The following ABCC4 variants were observed in gnomAD, a reference collection of about 807,000 sequenced individuals.
The protein encoded by ABCC4 is ATP binding cassette subfamily C member 4 (PEL blood group).
Under a neutral mutation model 168.5 loss-of-function variants are expected in ABCC4, and 102 were observed. That is an observed-to-expected ratio of 0.61 (90% CI 0.52 to 0.71). ABCC4 has a LOEUF of 0.71. ABCC4 is among the 30% of genes least tolerant of loss of function. The pLI is 0.00. For synonymous variants in ABCC4, 617 were observed against 590.7 expected (o/e 1.04, Z -0.65); for missense variants, 1,402 against 1,605.8 (o/e 0.87, Z 2.17).
intron 20 of ABCC4, among the ~76,000 whole-genome samples, chr13:95,093,487 C>T (rs2034499736): frequency 3.9e-5 from 6 of 152,046 alleles, no homozygotes; most frequent in Admixed American, 3.9e-4. Context: ...CGACAAAATC[C>T]AGCATCCCTT....
chr13:95,104,317 T>C (rs111795600), intron 20 of ABCC4, among the ~76,000 whole-genome samples: 3 of 152,310 alleles, frequency 2.0e-5, no homozygotes, highest in South Asian at 2.1e-4. Context: ...CTTCGCCACA[T>C]TGGTCAGGCT....
At chr13:95,269,235 G>A in intron 1 of ABCC4, 3 of 453,036 alleles carry the variant, frequency 6.6e-6, no homozygotes, top group South Asian at 4.7e-5. Flanking sequence ...AGGGTGGGCT[G>A]GGCCACCCTG....
intron 13 of ABCC4, among the ~76,000 whole-genome samples, chr13:95,170,991 G>A (rs936652954): frequency 2.6e-5 from 4 of 151,864 alleles, no homozygotes; most frequent in African/African-American, 7.3e-5. Context: ...GTCACGTAAC[G>A]ACGCGGCATT....
intron 19 of ABCC4, among the ~76,000 whole-genome samples, chr13:95,124,251 G>A (rs3825415): frequency 6.6e-6 from 1 of 151,964 alleles, no homozygotes; most frequent in Non-Finnish European, 1.5e-5. Flanking sequence ...ACAGAAGATA[G>A]CCAAGAGATT....
intron 26 of ABCC4, among the ~76,000 whole-genome samples, chr13:95,059,143 A>G (rs895341894): frequency 6.6e-6 from 1 of 152,236 alleles, no homozygotes; most frequent in Non-Finnish European, 1.5e-5. Context: ...GCCAGCCAAC[A>G]TGGGTTTAAA....
intron 29 of ABCC4, among the ~76,000 whole-genome samples, chr13:95,035,325 C>T (rs1040764042): frequency 6.6e-6 from 1 of 152,194 alleles, no homozygotes; most frequent in African/African-American, 2.4e-5. Context: ...GGTTAAGGTG[C>T]ATTCTGAAAT....
rs1252241532 is a variant in ABCC4 at position 95,209,104 on chromosome 13, G to A, written c.785+330C>T. Among the ~76,000 whole-genome samples the A allele has an allele frequency of 2.6e-5, 4 of 152,174 alleles. No homozygotes were observed. In the South Asian group the frequency reaches 8.3e-4, roughly 32 times the overall value. Reference sequence around the variant, plus strand: ...GGTAAAGATGTATGCAGCTAGAATGGAGCCTATGAAACATTTCAATTTATC... The same window carrying A: ...GGTAAAGATGTATGCAGCTAGAATGAAGCCTATGAAACATTTCAATTTATC... On this transcript the variant is annotated intron_variant, in intron 6 of 30. Coordinates refer to ENST00000645237, the MANE Select transcript of ABCC4 (RefSeq NM_005845.5).
intron 1 of ABCC4, among the ~76,000 whole-genome samples, chr13:95,254,912 A>C (rs2040356658): frequency 6.6e-6 from 1 of 152,232 alleles, no homozygotes; most frequent in Non-Finnish European, 1.5e-5. Flanking sequence ...CATGCTGGGC[A>C]CATAGAAGTC....
intron 25 of ABCC4, among the ~76,000 whole-genome samples, chr13:95,064,258 GTGTATATATATATA>G (rs1427027808): frequency 1.1e-4 from 1 of 8,980 alleles, no homozygotes; most frequent in African/African-American, 7.8e-4. Flanking sequence ...GTGTGTGTGT[GTGTATATATATATA>G]TATATATATA....
intron 20 of ABCC4, among the ~76,000 whole-genome samples, chr13:95,104,733 A>T (rs2034939232): frequency 6.6e-6 from 1 of 152,208 alleles, no homozygotes; most frequent in South Asian, 2.1e-4. Flanking sequence ...AAGAATCACA[A>T]CTGACTCTGA....
In ABCC4 at chr13:95,176,185, C is replaced by T. The variant is rs1251281259; in HGVS notation, c.1727+1522G>A. Among the ~76,000 whole-genome samples the T allele has an allele frequency of 1.1e-4, 14 of 131,580 alleles. No homozygotes were observed. The South Asian group carries it at 3.3e-3, about 31-fold the overall frequency. The allele number at this position is 131,580 out of a possible 152,430, so 86.3% of individuals were successfully genotyped here. A position where few individuals can be genotyped will look rare whatever the true frequency, so the allele number is the denominator to read the frequency against. ...GATTGTCGTATGCCAGGTGTAGGGG[C>T]TCACACCTGTAATCTCAGCACTCCA... On this transcript the variant is annotated intron_variant, in intron 13 of 30. Coordinates refer to ENST00000645237, the MANE Select transcript of ABCC4 (RefSeq NM_005845.5).
chr13:95,045,880 T>C (rs1738113042), intron 27 of ABCC4, among the ~76,000 whole-genome samples: 1 of 152,160 alleles, frequency 6.6e-6, no homozygotes, highest in African/African-American at 2.4e-5. Context: ...GAAGCACACT[T>C]CTATGAATGT....
At chr13:95,145,459 TAA>T (rs879937738) in intron 19 of ABCC4, among the ~76,000 whole-genome samples, 15 of 117,762 alleles carry the variant, frequency 1.3e-4, no homozygotes, top group Admixed American at 2.6e-4. Context: ...CATCTCTACC[TAA>T]AAAAAAAAAA....
intron 3 of ABCC4, among the ~76,000 whole-genome samples, chr13:95,240,838 G>GT (rs1299227368): frequency 1.3e-5 from 2 of 151,746 alleles, no homozygotes; most frequent in African/African-American, 4.8e-5. Flanking sequence ...ACATGTGGTG[G>GT]TATAAGCTTG....
At chr13:95,192,581 C>CT (rs982805458) in intron 9 of ABCC4, among the ~76,000 whole-genome samples, 17 of 152,278 alleles carry the variant, frequency 1.1e-4, no homozygotes, top group African/African-American at 2.4e-4. Flanking sequence ...ACCTAGAGTG[C>CT]TTTTTTCTAG....
chr13:95,139,084 G>A (rs757859127), intron 19 of ABCC4, among the ~76,000 whole-genome samples: 8 of 152,206 alleles, frequency 5.3e-5, no homozygotes, highest in African/African-American at 1.2e-4. Context: ...TGCTTACTGC[G>A]CATCCATCTT....
chr13:95,022,137 C>G (rs1420314599), intron 30 of ABCC4, among the ~76,000 whole-genome samples: 1 of 152,154 alleles, frequency 6.6e-6, no homozygotes, highest in East Asian at 1.9e-4. Context: ...GATTGACAAG[C>G]ATTGAAATGC....
chr13:95,243,685 T>C (rs998192620), intron 3 of ABCC4, among the ~76,000 whole-genome samples: 7 of 152,046 alleles, frequency 4.6e-5, no homozygotes, highest in African/African-American at 1.7e-4. Flanking sequence ...TCAGGAGTTC[T>C]AGACCGGCCC....
intron 27 of ABCC4, among the ~76,000 whole-genome samples, chr13:95,047,099 G>A (rs1350678419): frequency 2.0e-5 from 3 of 152,128 alleles, no homozygotes; most frequent in African/African-American, 7.2e-5. Context: ...GCAAAATACC[G>A]TATTAACAAA....
Sources: allele counts gnomAD v4.1 joint callset (sites outside exome capture counted in the v4.1 genomes callset), GRCh38; gene constraint gnomAD v4.1.1; transcripts MANE v1.5; gene names NCBI Gene and HGNC (gene_info 2026-07-23, HGNC 2026-07-21).